Variants in ETFA observed in about 807,000 individuals in gnomAD.
The protein encoded by ETFA is electron transfer flavoprotein subunit alpha, mitochondrial.
In ETFA, 22 loss-of-function variants were observed where a neutral mutation model predicts 46.2. The ratio of observed to expected loss-of-function variants is 0.48; its 90% CI spans 0.34 to 0.68. ETFA has a LOEUF of 0.68. Among genes scored for constraint, ETFA ranks in the 30% least tolerant of loss-of-function variants. The pLI is 0.01. For missense variants in ETFA, 345 were observed against 401.1 expected, an observed-to-expected ratio of 0.86 and a Z score of 1.19; for synonymous variants, 131 against 139.9, an observed-to-expected ratio of 0.94 and a Z score of 0.45.
rs545227997 is a variant in ETFA, at chr15:76,268,164, G to T, written c.816+6248C>A. ...CAGAAGCTGAGTTACAAATGCTTCAGCAATGGCATGCCTCCCAGCTACAGC... is the reference window on the plus strand; with the variant it reads ...CAGAAGCTGAGTTACAAATGCTTCATCAATGGCATGCCTCCCAGCTACAGC... On this transcript the variant is annotated intron_variant, in intron 9 of 11. Transcript: ENST00000557943. Among the ~76,000 whole-genome samples the T allele has an allele frequency of 2.7e-5, 4 of 146,594 alleles. No homozygotes were observed. In the South Asian group the frequency reaches 8.7e-4, roughly 32 times the overall value.
At chr15:76,259,311 CG>C (rs1037690333) in intron 9 of ETFA, 92 of 1,592,272 alleles carry the variant, frequency 5.8e-5, no homozygotes, top group Non-Finnish European at 7.7e-5. Context: ...CAGTTCCATT[CG>C]CAGACAAGTA....
intron 8 of ETFA, among the ~76,000 whole-genome samples, chr15:76,280,986 G>T (rs1246296761): frequency 7.5e-6 from 1 of 133,972 alleles, no homozygotes; most frequent in Non-Finnish European, 1.5e-5. Flanking sequence ...CACAATCTTA[G>T]CTCACTGCAA....
chr15:76,283,853 T>A (rs1468185257), intron 7 of ETFA, 28 bp from the exon 8 acceptor site: 44 of 1,459,926 alleles, frequency 3.0e-5, no homozygotes, highest in East Asian at 6.9e-5. Flanking sequence ...AAAAAAAAAA[T>A]TAGGCAAACA....
At chr15:76,224,245 ATGACTGG>A (rs2038983741) in intron 11 of ETFA, among the ~76,000 whole-genome samples, 4 of 152,140 alleles carry the variant, frequency 2.6e-5, no homozygotes, top group Non-Finnish European at 2.9e-5. Context: ...TAGTGGGAAA[ATGACTGG>A]CATTACTGTT....
intron 8 of ETFA, among the ~76,000 whole-genome samples, chr15:76,276,633 GTTT>G (rs199816275): frequency 2.1e-5 from 3 of 145,992 alleles, no homozygotes; most frequent in Middle Eastern, 3.3e-3. Context: ...TGTTGTTGTT[GTTT>G]TTTTCTTTTT....
At chr15:76,291,895 A>G (rs578148708) in intron 4 of ETFA, among the ~76,000 whole-genome samples, 2 of 151,730 alleles carry the variant, frequency 1.3e-5, no homozygotes, top group East Asian at 3.9e-4. Flanking sequence ...CTCCCATTAC[A>G]CTCCTCCCTC....
In ETFA at chr15:76,271,137, T is replaced by C. The variant is rs12592222; in HGVS notation, c.816+3275A>G. 6.3e-3 allele frequency among the ~76,000 whole-genome samples: 844 copies of C among 134,070 alleles called. 27 individuals carry two copies. Among genetic ancestry groups the C allele is most frequent in the Admixed American group, 0.047 (547 of 11,636 alleles). The allele number at this position is 134,070 out of a possible 152,430, so 88.0% of individuals were successfully genotyped here. ...GTGAGCCGAGATCACACCACTGCACTCCAGCCTCAGCGACAGAGCGAGACT... is the reference window on the plus strand; with the variant it reads ...GTGAGCCGAGATCACACCACTGCACCCCAGCCTCAGCGACAGAGCGAGACT... On this transcript the variant is annotated intron_variant, in intron 9 of 11. Coordinates refer to ENST00000557943, the MANE Select transcript of ETFA (RefSeq NM_000126.4).
At position 76,281,428 on chromosome 15, in the gene ETFA, ATTT is replaced by A. The variant is rs1163521200; in HGVS notation, c.733+2326_733+2328del. Among the ~76,000 whole-genome samples the A allele has an allele frequency of 1.2e-4, 17 of 139,030 alleles. 1 individual carries two copies. The East Asian group carries it at 3.1e-3, about 25-fold the overall frequency. 91.2% of individuals were successfully genotyped at this position (139,030 alleles called of 152,430 possible). On this transcript the variant is annotated intron_variant, in intron 8 of 11. Coordinates refer to ENST00000557943, the MANE Select transcript of ETFA (RefSeq NM_000126.4). ...TCCCTAACACTTACGACTCTCTAAC[ATTT>A]TTTTTTTTTTTTGAGACAGAGTCTC...
At chr15:76,221,608 G>A (rs1184124732) in intron 11 of ETFA, among the ~76,000 whole-genome samples, 1 of 152,136 alleles carries the variant, frequency 6.6e-6, no homozygotes, top group African/African-American at 2.4e-5. Context: ...GAACAGGCAG[G>A]CTAATATTTG....
chr15:76,257,768 C>T (rs1596202863), intron 9 of ETFA, among the ~76,000 whole-genome samples: 1 of 151,940 alleles, frequency 6.6e-6, no homozygotes, highest in East Asian at 1.9e-4. Flanking sequence ...GGAACCAACC[C>T]AAATGTCCAA....
At chr15:76,261,504 G>A in intron 9 of ETFA, 3 of 742,624 alleles carry the variant, frequency 4.0e-6, no homozygotes, top group Non-Finnish European at 6.8e-6. Context: ...CCTCCATGCT[G>A]CAGCTGAGCT....
At chr15:76,295,936 C>CCTTTTTTTTTTTTTTTTTTTTTTTTTT (rs2039816100) in intron 1 of ETFA, among the ~76,000 whole-genome samples, 199 bp from the exon 2 acceptor site, 2 of 46,602 alleles carry the variant, frequency 4.3e-5, no homozygotes, top group African/African-American at 6.7e-5. Context: ...CACTAATATT[C>CCTTTTTTTTTTTTTTTTTTTTTTTTTT]TTTTTTTTTT....
At chr15:76,305,341 T>G (rs2039929517) in intron 1 of ETFA, among the ~76,000 whole-genome samples, 4 of 152,212 alleles carry the variant, frequency 2.6e-5, no homozygotes, top group Admixed American at 2.6e-4. Context: ...CAGTTGGCAC[T>G]CAATGAATAG....
In ETFA at chr15:76,287,975, C is replaced by G. The variant is rs1271493300; in HGVS notation, c.352-30G>C. ...AAGCAAAATAAGCAGTGAGTTAACA[C>G]ACATACATAGTGATGGAAGACTATA... On this transcript the variant is annotated intron_variant, in intron 4 of 11. Coordinates refer to ENST00000557943, the MANE Select transcript of ETFA (RefSeq NM_000126.4). The G allele has an allele frequency of 3.7e-6, 5 of 1,341,654 alleles. No homozygotes were observed. In the African/African-American group the frequency reaches 5.7e-5, roughly 15 times the overall value. 83.1% of individuals were successfully genotyped at this position (1,341,654 alleles called of 1,614,324 possible).
At chr15:76,217,158 G>C (rs1047514663) in intron 11 of ETFA, among the ~76,000 whole-genome samples, 1 of 152,044 alleles carries the variant, frequency 6.6e-6, no homozygotes, top group Non-Finnish European at 1.5e-5. Context: ...TTTCAAGAAG[G>C]CACCCTAGAA....
chr15:76,248,604 T>C (rs982880679), intron 9 of ETFA, among the ~76,000 whole-genome samples: 1 of 152,042 alleles, frequency 6.6e-6, no homozygotes, highest in African/African-American at 2.4e-5. Flanking sequence ...CAGACATAAA[T>C]GAAAGAAAAT....
At chr15:76,221,478 C>T (rs971332485) in intron 11 of ETFA, among the ~76,000 whole-genome samples, 2 of 152,132 alleles carry the variant, frequency 1.3e-5, no homozygotes, top group African/African-American at 4.8e-5. Context: ...TTTTATGGTA[C>T]GTGAATTATA....
At chr15:76,266,094 G>C (rs191098109) in intron 9 of ETFA, among the ~76,000 whole-genome samples, 1 of 152,138 alleles carries the variant, frequency 6.6e-6, no homozygotes, top group Admixed American at 6.5e-5. Flanking sequence ...AGAAAAAATC[G>C]GGTAAATGGA....
chr15:76,253,834 A>C (rs1015460188), intron 9 of ETFA, among the ~76,000 whole-genome samples: 11 of 152,226 alleles, frequency 7.2e-5, no homozygotes, highest in Non-Finnish European at 1.3e-4. Flanking sequence ...TAATAATCCA[A>C]CTCTGCACTA....
Sources: allele counts gnomAD v4.1 joint callset (sites outside exome capture counted in the v4.1 genomes callset), GRCh38; gene constraint gnomAD v4.1.1; transcripts MANE v1.5; gene names NCBI Gene and HGNC (gene_info 2026-07-23, HGNC 2026-07-21).